Variants in SCGB2A1 observed in about 807,000 individuals in gnomAD.
SCGB2A1 encodes the protein secretoglobin family 2A member 1.
SCGB2A1 carries 6 observed loss-of-function variants against 9.2 expected under a neutral mutation model. The ratio of observed to expected loss-of-function variants is 0.66; its 90% CI spans 0.36 to 1.29. The LOEUF (loss-of-function observed/expected upper bound fraction) is 1.29, where lower values mean the gene tolerates loss of function less well. SCGB2A1 is among the 50% of genes most tolerant of loss of function. The probability of loss-of-function intolerance (pLI) is 0.03; values close to 1 mark genes in which losing one functional copy is unlikely to be tolerated. For missense variants in SCGB2A1, 138 were observed against 116.9 expected (o/e 1.18, Z -0.83); for synonymous variants, 37 against 41.0 (o/e 0.90, Z 0.37).
At chr11:62,213,018 A>ATG (rs1944846677) in intron 2 of SCGB2A1, among the ~76,000 whole-genome samples, 1 of 144,442 alleles carries the variant, frequency 6.9e-6, no homozygotes, top group African/African-American at 2.5e-5. Context: ...ATATGCACAT[A>ATG]TATACATATA....
intron 2 of SCGB2A1, among the ~76,000 whole-genome samples, chr11:62,213,059 T>TACATATATAC (rs1944848766): frequency 4.2e-5 from 5 of 119,008 alleles, no homozygotes; most frequent in African/African-American, 1.5e-4. Flanking sequence ...TACACATATA[T>TACATATATAC]ACACATATAT....
intron 1 of SCGB2A1, among the ~76,000 whole-genome samples, chr11:62,210,019 A>G (rs1401076723): frequency 6.6e-6 from 1 of 152,122 alleles, no homozygotes; most frequent in Non-Finnish European, 1.5e-5. Flanking sequence ...ACTAATGGAC[A>G]ATGTCCTAGA....
chr11:62,210,382 G>A (rs1012499223), intron 1 of SCGB2A1, 31 bp from the exon 2 acceptor site: 11 of 1,424,208 alleles, frequency 7.7e-6, no homozygotes, highest in Middle Eastern at 1.9e-4. Context: ...CCATGTTCTT[G>A]TGTCTTTTTT....
In SCGB2A1 at chr11:62,210,442, G is replaced by C; in HGVS notation, c.85G>C (p.Val29Leu). The stretch of plus-strand genomic sequence containing the variant: ...TGGCTGCAAACTCCTGGAGGACATG[G>C]TTGAAAAGACCATCAATTCCGACAT... ...DSGCKLLEDM[V>L]EKTINSDISI... The change falls in exon 2 of 3, where the codon GTT (valine) becomes CTT (leucine). Residue 29 changes from valine to leucine, a missense_variant. Transcript: ENST00000244930. The C allele has an allele frequency of 6.4e-7, 1 of 1,553,058 alleles. No homozygotes were observed. Among genetic ancestry groups the C allele is most frequent in the Non-Finnish European group, 8.7e-7 (1 of 1,154,262 alleles).
chr11:62,213,103 TATA>T (rs1565121612), intron 2 of SCGB2A1, among the ~76,000 whole-genome samples: 11 of 41,068 alleles, frequency 2.7e-4, no homozygotes, highest in Non-Finnish European at 4.7e-4. Flanking sequence ...TATATATATA[TATA>T]TTTTTTTTTT....
intron 2 of SCGB2A1, among the ~76,000 whole-genome samples, chr11:62,213,099 TATATA>T (rs1944851055): frequency 4.7e-5 from 2 of 42,210 alleles, no homozygotes; most frequent in African/African-American, 1.0e-4. Context: ...CACATATATA[TATATA>T]TATTTTTTTT....
In SCGB2A1 at chr11:62,210,531, T is replaced by C; in HGVS notation, c.174T>C (p.Ala58=). The C allele has an allele frequency of 1.3e-6, 2 of 1,591,684 alleles. No homozygotes were observed. The highest frequency in any genetic ancestry group is 1.7e-6 in the Non-Finnish European group (2 of 1,172,640). The part of the protein sequence containing the change: ...EFIDSDAAAE[A]MGKFKQCFLN... Reference sequence around the variant, plus strand: ...TAGACAGTGATGCCGCTGCAGAGGCTATGGGGAAATTCAAGCAGTGTTTCC... The same window carrying C: ...TAGACAGTGATGCCGCTGCAGAGGCCATGGGGAAATTCAAGCAGTGTTTCC... The change falls in exon 2 of 3, where the codon GCT becomes GCC. Residue 58 remains alanine (A), a synonymous_variant. Transcript: ENST00000244930.
intron 2 of SCGB2A1, among the ~76,000 whole-genome samples, chr11:62,213,106 A>ATATTTTTTTTTTTTT (rs67975205): frequency 8.6e-6 from 1 of 116,252 alleles, no homozygotes. Context: ...ATATATATAT[A>ATATTTTTTTTTTTTT]TTTTTTTTTT....
chr11:62,213,067 TATA>T (rs1944849158), intron 2 of SCGB2A1, among the ~76,000 whole-genome samples: 1 of 55,486 alleles, frequency 1.8e-5, no homozygotes. Context: ...TATACACATA[TATA>T]CATATATACA....
At chr11:62,211,177 G>C (rs147599629) in intron 2 of SCGB2A1, among the ~76,000 whole-genome samples, 1 of 151,882 alleles carries the variant, frequency 6.6e-6, no homozygotes, top group East Asian at 1.9e-4. Flanking sequence ...GCCTCCCTTG[G>C]CCTCCCAGAG....
chr11:62,213,076 A>G (rs1944849550), intron 2 of SCGB2A1, among the ~76,000 whole-genome samples: 1 of 43,074 alleles, frequency 2.3e-5, no homozygotes, highest in African/African-American at 7.5e-5. Context: ...ATATACATAT[A>G]TACACATATA....
chr11:62,213,808 A>C lies in SCGB2A1; in HGVS notation c.*38A>C, dbSNP rs370836260. 1 of 1,577,078 alleles carries C rather than the reference A, an allele frequency of 6.3e-7. No homozygotes were observed. The highest frequency in any genetic ancestry group is 8.7e-7 in the Non-Finnish European group (1 of 1,150,114). On this transcript the variant is annotated 3_prime_UTR_variant, in exon 3 of 3. Coordinates refer to ENST00000244930, the MANE Select transcript of SCGB2A1 (RefSeq NM_002407.3). ...CGTTTGGCTCAGAGGGCTACAGACT[A>C]TGGCCAGAACTCATCTGTTGATTGC...
chr11:62,212,274 A>G (rs1315174926), intron 2 of SCGB2A1, among the ~76,000 whole-genome samples: 5 of 152,144 alleles, frequency 3.3e-5, no homozygotes, highest in African/African-American at 7.2e-5. Flanking sequence ...GTAAAGATAT[A>G]TCAAATGCTC....
intron 1 of SCGB2A1, 106 bp from the exon 2 acceptor site, chr11:62,210,307 T>C: frequency 7.3e-7 from 1 of 1,377,400 alleles, no homozygotes; most frequent in Non-Finnish European, 9.7e-7. Context: ...GGTCTGTCCC[T>C]GGAGGTACGA....
chr11:62,213,069 TACATATATAC>T (rs1160932370), intron 2 of SCGB2A1, among the ~76,000 whole-genome samples: 2,771 of 51,354 alleles, frequency 0.054, 195 homozygotes, highest in African/African-American at 0.11. Context: ...TACACATATA[TACATATATAC>T]ACATATATAC....
intron 2 of SCGB2A1, among the ~76,000 whole-genome samples, chr11:62,212,913 T>TATACACACACAC (rs1312379963): frequency 0.014 from 2,016 of 148,302 alleles, 74 homozygotes; most frequent in African/African-American, 0.047. Context: ...TATATACATA[T>TATACACACACAC]ATATACACAC....
At position 62,213,928 on chromosome 11, in the gene SCGB2A1, C is replaced by G. The variant is rs1177594779; in HGVS notation, c.*158C>G. ...ATTCATTTCCATTTCAATAAACTAA[C>G]TGCAAATCACTAAAATTCTTTCTTG... On this transcript the variant is annotated 3_prime_UTR_variant, in exon 3 of 3. Transcript: ENST00000244930. 1.8e-6 allele frequency: 1 copy of G among 563,636 alleles called. No homozygotes were observed. Among genetic ancestry groups the G allele is most frequent in the African/African-American group, 1.9e-5 (1 of 51,982 alleles). The allele number at this position is 563,636 out of a possible 1,614,324, so 34.9% of individuals were successfully genotyped here. A position where few individuals can be genotyped will look rare whatever the true frequency, so the allele number is the denominator to read the frequency against.
chr11:62,213,106 A>ATATATATATATT (rs67975205), intron 2 of SCGB2A1, among the ~76,000 whole-genome samples: 1,190 of 116,202 alleles, frequency 0.01, 50 homozygotes, highest in South Asian at 0.018. Context: ...ATATATATAT[A>ATATATATATATT]TTTTTTTTTT....
At chr11:62,213,513 A>C in intron 2 of SCGB2A1, 17 of 508,494 alleles carry the variant, frequency 3.3e-5, no homozygotes, top group East Asian at 9.5e-5. Context: ...CTGGTAGGGA[A>C]GAGATCCTAC....
Sources: gnomAD v4.1 joint callset for allele counts (sites outside exome capture counted in the v4.1 genomes callset) on GRCh38, gnomAD v4.1.1 for gene constraint, MANE v1.5 for transcripts, NCBI Gene and HGNC (gene_info 2026-07-23, HGNC 2026-07-21) for gene names.